Variants in RAD54L2 observed in about 807,000 individuals in gnomAD.
RAD54L2 encodes RAD54 like 2.
Under a neutral mutation model 138.4 loss-of-function variants are expected in RAD54L2, and 27 were observed. That is an observed-to-expected ratio of 0.20 (90% confidence interval 0.14 to 0.27). The LOEUF is 0.27. Ranked by LOEUF, RAD54L2 falls within the 10% of genes least tolerant of loss-of-function variation. The pLI, the probability that RAD54L2 is intolerant of heterozygous loss-of-function variation, is 1.00. For synonymous variants in RAD54L2, 644 were observed against 723.2 expected, an observed-to-expected ratio of 0.89 and a Z score of 1.76; for missense variants, 1,396 against 1,890.2, an observed-to-expected ratio of 0.74 and a Z score of 4.85.
intron 19 of RAD54L2, among the ~76,000 whole-genome samples, chr3:51,651,843 A>C (rs1701446774): frequency 6.6e-6 from 1 of 152,232 alleles, no homozygotes; most frequent in Non-Finnish European, 1.5e-5. Flanking sequence ...CTGAATGGGC[A>C]AACACTGGAA....
At chr3:51,590,863 T>C (rs1302476127) in intron 3 of RAD54L2, among the ~76,000 whole-genome samples, 1 of 152,202 alleles carries the variant, frequency 6.6e-6, no homozygotes, top group Non-Finnish European at 1.5e-5. Flanking sequence ...GAGGAGTCAA[T>C]GGCAGAGTTC....
In RAD54L2 at chr3:51,646,254, T is replaced by A. The variant is rs1701275509; in HGVS notation, c.2830-31T>A. 3 of 1,546,304 alleles carry A rather than the reference T, an allele frequency of 1.9e-6. No individual in the cohort carries two copies. In the South Asian group the frequency reaches 3.6e-5, roughly 18 times the overall value. The stretch of plus-strand genomic sequence containing the variant: ...GCTCATTATCTATCAGCCATGTTGG[T>A]AACTAAATCAACATCCTCCTGTGTC... On this transcript the variant is annotated intron_variant, in intron 18 of 22. Transcript: ENST00000684192.
chr3:51,633,938 A>G lies in RAD54L2; in HGVS notation c.1045A>G (p.Met349Val), dbSNP rs766068319. 2.0e-5 allele frequency: 33 copies of G among 1,613,854 alleles called. No homozygotes were observed. The highest frequency in any genetic ancestry group is 2.7e-5 in the Non-Finnish European group (32 of 1,179,876). The change falls in exon 9 of 23, where the codon ATG (methionine) becomes GTG (valine). Residue 349 changes from methionine (M) to valine (V), a missense_variant. Transcript: ENST00000684192. ...TLQNWLAEFN[M>V]WLPPPEALPA... ...TCAGAATTGGCTGGCAGAGTTCAAC[A>G]TGTGGCTTCCACCTCCTGAAGCCCT...
intron 19 of RAD54L2, among the ~76,000 whole-genome samples, chr3:51,648,199 G>T (rs1701335618): frequency 1.3e-5 from 2 of 152,212 alleles, no homozygotes; most frequent in Non-Finnish European, 2.9e-5. Flanking sequence ...CACTGCTAGT[G>T]CAGCAGTCCA....
At chr3:51,624,251 T>C (rs996499245) in intron 3 of RAD54L2, among the ~76,000 whole-genome samples, 26 of 149,404 alleles carry the variant, frequency 1.7e-4, no homozygotes, top group Admixed American at 1.3e-4. Context: ...TTTTTTTTTT[T>C]AGACAGGGTC....
Position 51,637,590 on chromosome 3 carries a change from G to A in RAD54L2, c.1682+87G>A. The A allele has an allele frequency of 2.2e-6, 3 of 1,341,154 alleles. No individual in the cohort carries two copies. The highest frequency in any genetic ancestry group is 3.0e-6 in the Non-Finnish European group (3 of 992,860). The allele number at this position is 1,341,154 out of a possible 1,614,324, so 83.1% of individuals were successfully genotyped here. A position where few individuals can be genotyped will look rare whatever the true frequency, so the allele number is the denominator to read the frequency against. On this transcript the variant is annotated intron_variant, in intron 11 of 22. Coordinates refer to ENST00000684192, the MANE Select transcript of RAD54L2 (RefSeq NM_015106.4). The surrounding 1 kb of genome is among the most constrained non-coding windows in gnomAD (Gnocchi z 5.9). The stretch of plus-strand genomic sequence containing the variant: ...CCAAACCTGTTATACAGGATAGGGT[G>A]TTGGAGTAGGAGGGCCCCTTCCCTG...
chr3:51,608,562 C>T (rs184606743), intron 3 of RAD54L2, among the ~76,000 whole-genome samples: 89 of 152,334 alleles, frequency 5.8e-4, no homozygotes, highest in East Asian at 5.8e-4. Flanking sequence ...AGCGAGACTC[C>T]GTCTGCAATC....
intron 2 of RAD54L2, among the ~76,000 whole-genome samples, chr3:51,567,614 A>G (rs970109961): frequency 3.3e-5 from 5 of 152,184 alleles, no homozygotes; most frequent in Admixed American, 6.5e-5. Context: ...CAGCAGCACT[A>G]AAGGTGTTTG....
In RAD54L2 at chr3:51,635,792, G is replaced by A. The variant is rs769363604; in HGVS notation, c.1339+3G>A. ...TCGGCAGCAGGAGTTTCGGAGAGGT[G>A]GGCAGCCTATCCCAGGAATACTCTT... On this transcript the variant is annotated splice_donor_region_variant and intron_variant, in intron 10 of 22. Coordinates refer to ENST00000684192, the MANE Select transcript of RAD54L2 (RefSeq NM_015106.4). 5 of 1,605,666 alleles carry A rather than the reference G, an allele frequency of 3.1e-6. No individual in the cohort carries two copies. The highest frequency in any genetic ancestry group is 1.1e-5 in the South Asian group (1 of 89,478).
At chr3:51,628,265 T>G (rs948279444) in intron 4 of RAD54L2, among the ~76,000 whole-genome samples, 1 of 151,844 alleles carries the variant, frequency 6.6e-6, no homozygotes, top group Non-Finnish European at 1.5e-5. Flanking sequence ...TGAAAAGAAA[T>G]GAATGATATC....
At chr3:51,573,818 T>C (rs1699397561) in intron 2 of RAD54L2, among the ~76,000 whole-genome samples, 1 of 152,210 alleles carries the variant, frequency 6.6e-6, no homozygotes, top group South Asian at 2.1e-4. Flanking sequence ...TTCTTCCTTG[T>C]AATTGTCTTT....
At chr3:51,627,458 G>C in intron 3 of RAD54L2, 95 bp from the exon 4 acceptor site, 4 of 1,185,470 alleles carry the variant, frequency 3.4e-6, no homozygotes, top group Non-Finnish European at 4.9e-6. Flanking sequence ...CAGCTAATAA[G>C]TTGCTGAGTT....
chr3:51,585,381 T>C (rs1294014593), intron 2 of RAD54L2, among the ~76,000 whole-genome samples: 1 of 152,142 alleles, frequency 6.6e-6, no homozygotes, highest in Non-Finnish European at 1.5e-5. Flanking sequence ...TGCCTCACAA[T>C]GATGAGGCAG....
In RAD54L2 at chr3:51,570,507, A is replaced by T. The variant is rs1244979703; in HGVS notation, c.-54-19860A>T. Among the ~76,000 whole-genome samples, 3 of 151,596 alleles carry T rather than the reference A, an allele frequency of 2.0e-5. No individual in the cohort carries two copies. In the East Asian group the frequency reaches 5.8e-4, roughly 29 times the overall value. On this transcript the variant is annotated intron_variant, in intron 2 of 22. Transcript: ENST00000684192. The stretch of plus-strand genomic sequence containing the variant: ...AGAGTCTCACACTCGCCCAGGCTGA[A>T]GTGCAGTGGCGCGATCTCGGCTCAC...
At chr3:51,644,691 T>C (rs932181321) in intron 16 of RAD54L2, among the ~76,000 whole-genome samples, 15 of 152,294 alleles carry the variant, frequency 9.8e-5, no homozygotes, top group Admixed American at 5.9e-4. Flanking sequence ...TCCCCTAAGC[T>C]GTTAGACTAA....
chr3:51,565,990 G>A (rs1699208201), intron 2 of RAD54L2, among the ~76,000 whole-genome samples: 2 of 151,448 alleles, frequency 1.3e-5, no homozygotes, highest in South Asian at 4.2e-4. Flanking sequence ...CACCATGTCT[G>A]GCTAATTTTT....
intron 15 of RAD54L2, 24 bp downstream of exon 15, chr3:51,641,891 T>G: frequency 2.0e-6 from 3 of 1,512,240 alleles, no homozygotes; most frequent in Non-Finnish European, 2.7e-6. Context: ...TGCGTTGTTC[T>G]TGAAGCCTTG....
chr3:51,557,052 C>T (rs1698986295), intron 2 of RAD54L2, among the ~76,000 whole-genome samples: 1 of 152,148 alleles, frequency 6.6e-6, no homozygotes, highest in Admixed American at 6.6e-5. Context: ...GTTGCACATG[C>T]TTGGCATACA....
chr3:51,558,579 G>A (rs1441206688), intron 2 of RAD54L2, among the ~76,000 whole-genome samples: 1 of 151,512 alleles, frequency 6.6e-6, no homozygotes. Context: ...AAGTGATTCC[G>A]CCCACCTTAG....
Sources: allele counts gnomAD v4.1 joint callset (sites outside exome capture counted in the v4.1 genomes callset), GRCh38; gene constraint gnomAD v4.1.1; non-coding constraint Gnocchi (gnomAD v3.1); transcripts MANE v1.5; gene names NCBI Gene and HGNC (gene_info 2026-07-23, HGNC 2026-07-21).